Variants in CASP6 observed in about 807,000 individuals in gnomAD.
The protein encoded by CASP6 is caspase-6.
CASP6 carries 20 observed loss-of-function variants against 31.8 expected under a neutral mutation model. That is an observed-to-expected ratio of 0.63 (90% CI 0.44 to 0.91). The LOEUF (loss-of-function observed/expected upper bound fraction) is 0.91. CASP6 is among the 40% of genes least tolerant of loss of function. The probability of loss-of-function intolerance (pLI) is 0.00; values close to 1 mark genes in which losing one functional copy is unlikely to be tolerated. For missense variants in CASP6, 328 were observed against 361.1 expected, an observed-to-expected ratio of 0.91 and a Z score of 0.74; for synonymous variants, 130 against 127.8, an observed-to-expected ratio of 1.02 and a Z score of -0.12.
chr4:109,665,550 T>C, the CASP6 span, among the ~76,000 whole-genome samples: 2 of 152,188 alleles, frequency 1.3e-5, no homozygotes, highest in Non-Finnish European at 2.9e-5. Context: ...TTGTTATATT[T>C]GCATTTAACC....
chr4:109,691,006 A>C lies in CASP6; in HGVS notation c.487T>G (p.Cys163Gly). 1 of 1,610,050 alleles carries C rather than the reference A, an allele frequency of 6.2e-7. No individual in the cohort carries two copies. ...GKPKIFIIQA[C>G]RGNQHDVPVI... ...GGCACATCGTGCTGGTTTCCCCGACATGCCTACAAGACAAGGAGGAAAAAC... is the reference window on the plus strand; with the variant it reads ...GGCACATCGTGCTGGTTTCCCCGACCTGCCTACAAGACAAGGAGGAAAAAC... Residue 163 changes from cysteine to glycine, a missense_variant, in exon 6 of 7, where the codon TGT becomes GGT. Coordinates refer to ENST00000265164, the MANE Select transcript of CASP6 (RefSeq NM_001226.4).
the CASP6 span, among the ~76,000 whole-genome samples, chr4:109,675,140 C>G: frequency 6.6e-6 from 1 of 152,124 alleles, no homozygotes; most frequent in African/African-American, 2.4e-5. Context: ...CATTTTTGGC[C>G]TTTATTAGGA....
At chr4:109,692,910 G>A (rs1046052334) in intron 5 of CASP6, among the ~76,000 whole-genome samples, 9 of 152,172 alleles carry the variant, frequency 5.9e-5, no homozygotes, top group Non-Finnish European at 1.0e-4. Flanking sequence ...TGTTTGATAC[G>A]GTTTGAACGT....
upstream of CASP6, among the ~76,000 whole-genome samples, chr4:109,706,345 T>C (rs547271181): frequency 2.0e-5 from 3 of 151,328 alleles, no homozygotes; most frequent in South Asian, 2.1e-4. Flanking sequence ...ACAAATAGAA[T>C]TGGAAGTGGG....
chr4:109,695,727 C>T (rs1454633174), intron 4 of CASP6, among the ~76,000 whole-genome samples: 3 of 134,762 alleles, frequency 2.2e-5, no homozygotes, highest in Non-Finnish European at 4.6e-5. Flanking sequence ...GGGCGGACAG[C>T]GAGACTCCAT....
intron 1 of CASP6, among the ~76,000 whole-genome samples, chr4:109,701,426 CTCT>C: frequency 6.6e-6 from 1 of 151,360 alleles, no homozygotes; most frequent in Non-Finnish European, 1.5e-5. Context: ...GATTCTTGAC[CTCT>C]TTTCACTTTT....
At chr4:109,670,642 G>C in the CASP6 span, among the ~76,000 whole-genome samples, 1 of 151,782 alleles carries the variant, frequency 6.6e-6, no homozygotes, top group Admixed American at 6.6e-5. Flanking sequence ...CTTGAACCCG[G>C]AAGGCGGAAG....
chr4:109,692,338 A>C (rs1730082558), intron 5 of CASP6: 1 of 152,198 alleles, frequency 6.6e-6, no homozygotes. Context: ...CACTGTTCTA[A>C]GTGGTTTGCA....
chr4:109,674,977 T>C, the CASP6 span, among the ~76,000 whole-genome samples: 571 of 152,368 alleles, frequency 3.7e-3, 6 homozygotes, highest in African/African-American at 0.013. Context: ...ACCCAAACTT[T>C]TATATAATAT....
intron 3 of CASP6, 126 bp downstream of exon 3, chr4:109,697,491 TCCTTG>T: frequency 2.0e-6 from 2 of 992,772 alleles, no homozygotes; most frequent in African/African-American, 1.6e-5. Context: ...TGTCTCAAAC[TCCTTG>T]CCTTAAGTGA....
At chr4:109,697,924 A>C (rs1225395465) in intron 2 of CASP6, 156 bp from the exon 3 acceptor site, 1 of 788,520 alleles carries the variant, frequency 1.3e-6, no homozygotes, top group Admixed American at 3.0e-5. Flanking sequence ...CTAATAAGGA[A>C]AGTCCTGAAA....
the CASP6 span, among the ~76,000 whole-genome samples, chr4:109,667,061 G>T: frequency 6.6e-6 from 1 of 152,076 alleles, no homozygotes; most frequent in Admixed American, 6.6e-5. Context: ...TTCTTACAGT[G>T]TTTTTGTCTG....
At chr4:109,705,510 T>C (rs1328547689), upstream of CASP6, among the ~76,000 whole-genome samples, 3 of 152,310 alleles carry the variant, frequency 2.0e-5, no homozygotes, top group East Asian at 5.8e-4. Context: ...CATAAGGCTA[T>C]AGCTGTCATC....
chr4:109,673,039 C>T, the CASP6 span, among the ~76,000 whole-genome samples: 1 of 152,184 alleles, frequency 6.6e-6, no homozygotes, highest in South Asian at 2.1e-4. Context: ...AAATGAATCA[C>T]TCATTTCAAC....
At chr4:109,705,662 G>GA (rs1008308664), upstream of CASP6, among the ~76,000 whole-genome samples, 1 of 151,444 alleles carries the variant, frequency 6.6e-6, no homozygotes, top group Non-Finnish European at 1.5e-5. Flanking sequence ...ACTAGAGGGG[G>GA]AAAAAAAGAA....
In CASP6 at chr4:109,694,707, AG is replaced by A; in HGVS notation, c.308-8del. Reference sequence around the variant, plus strand: ...GCGTGGCTAACAGTTGACACTATAAAGGACCCAAAAGAGAATATAGAAATGA... The same window carrying A: ...GCGTGGCTAACAGTTGACACTATAAAGACCCAAAAGAGAATATAGAAATGA... On this transcript the variant is annotated splice_region_variant and splice_polypyrimidine_tract_variant and intron_variant, in intron 4 of 6. Coordinates refer to ENST00000265164, the MANE Select transcript of CASP6 (RefSeq NM_001226.4). 1 of 1,539,920 alleles carries A rather than the reference AG, an allele frequency of 6.5e-7. No individual in the cohort carries two copies. The highest frequency in any genetic ancestry group is 2.4e-5 in the East Asian group (1 of 42,232).
intron 6 of CASP6, 25 bp from the exon 7 acceptor site, chr4:109,689,593 T>C (rs756942702): frequency 6.2e-7 from 1 of 1,600,526 alleles, no homozygotes; most frequent in Non-Finnish European, 8.6e-7. Flanking sequence ...AGGAAAATGT[T>C]GCTGCAGTTT....
chr4:109,706,168 T>TATATATATATATATATATATATATAC (rs1438834395), upstream of CASP6, among the ~76,000 whole-genome samples: 1 of 92,490 alleles, frequency 1.1e-5, no homozygotes, highest in Non-Finnish European at 2.0e-5. Context: ...TATATATATA[T>TATATATATATATATATATATATATAC]ATACACACAC....
rs1228174427 is a variant in CASP6 at position 109,697,782 on chromosome 4, G to T, written c.84-14C>A. ...TCAAACATTTCTCTGTTAATGAAAA[G>T]TTGAAAAACAATCACTTCAAGTCAT... On this transcript the variant is annotated splice_polypyrimidine_tract_variant and intron_variant, in intron 2 of 6. Transcript: ENST00000265164. 6.2e-7 allele frequency: 1 copy of T among 1,611,024 alleles called. No homozygotes were observed. The highest frequency in any genetic ancestry group is 1.3e-5 in the African/African-American group (1 of 74,710).
Sources: gnomAD v4.1 joint callset for allele counts (sites outside exome capture counted in the v4.1 genomes callset) on GRCh38, gnomAD v4.1.1 for gene constraint, MANE v1.5 for transcripts, NCBI Gene and HGNC (gene_info 2026-07-23, HGNC 2026-07-21) for gene names.